PIP5K1B: variants seen among roughly 807,000 people sequenced by gnomAD.
The protein encoded by PIP5K1B is phosphatidylinositol 4-phosphate 5-kinase type-1 beta.
In PIP5K1B, 42 loss-of-function variants were observed where a neutral mutation model predicts 67.0. The observed-to-expected ratio is 0.63, with a 90% CI of 0.49 to 0.81. The LOEUF (loss-of-function observed/expected upper bound fraction) is 0.81, where lower values mean the gene tolerates loss of function less well. Ranked by LOEUF, PIP5K1B falls within the 30% of genes least tolerant of loss-of-function variation. The pLI is 0.00. For missense variants in PIP5K1B, 459 were observed against 646.3 expected (o/e 0.71, Z 3.14); for synonymous variants, 214 against 231.4 (o/e 0.92, Z 0.68).
At chr9:68,790,879 A>C (rs1180729856) in intron 2 of PIP5K1B, among the ~76,000 whole-genome samples, 1 of 152,230 alleles carries the variant, frequency 6.6e-6, no homozygotes, top group African/African-American at 2.4e-5. Flanking sequence ...ACTTGTACCT[A>C]GGACCTCTTT....
chr9:68,921,999 CAA>C (rs1826429877), intron 11 of PIP5K1B, among the ~76,000 whole-genome samples: 2 of 152,016 alleles, frequency 1.3e-5, no homozygotes, highest in Non-Finnish European at 2.9e-5. Context: ...TTATTCATGC[CAA>C]AGCGAACAAC....
intron 15 of PIP5K1B, among the ~76,000 whole-genome samples, chr9:69,003,262 A>G (rs1471668049): frequency 2.0e-5 from 3 of 152,098 alleles, no homozygotes; most frequent in Non-Finnish European, 4.4e-5. Flanking sequence ...GAGAATTCAG[A>G]ATTGATGACA....
At position 68,925,795 on chromosome 9, in the gene PIP5K1B, A is replaced by ATTTTTTTTTTTTTTTT. The variant is rs71353094; in HGVS notation, c.1201+2414_1201+2429dup. Reference sequence around the variant, plus strand: ...ACATGAATACCAGCTTGTGGTTCCAATTTTTTTTTTTTTTTTTTTTGAGAC... The same window carrying ATTTTTTTTTTTTTTTT: ...ACATGAATACCAGCTTGTGGTTCCAATTTTTTTTTTTTTTTTTTTTTTTTTTTTTTTTTTTTGAGAC... On this transcript the variant is annotated intron_variant, in intron 12 of 15. Coordinates refer to ENST00000265382, the MANE Select transcript of PIP5K1B (RefSeq NM_003558.4). Among the ~76,000 whole-genome samples the ATTTTTTTTTTTTTTTT allele has an allele frequency of 1.9e-3, 138 of 73,268 alleles. 26 individuals are homozygous for ATTTTTTTTTTTTTTTT. The highest frequency in any genetic ancestry group is 6.3e-3 in the African/African-American group (110 of 17,546). 48.1% of individuals were successfully genotyped at this position (73,268 alleles called of 152,430 possible).
chr9:68,765,550 T>G (rs1313805909), intron 2 of PIP5K1B, among the ~76,000 whole-genome samples: 2 of 152,064 alleles, frequency 1.3e-5, no homozygotes, highest in Non-Finnish European at 2.9e-5. Context: ...TTTTTTTCTT[T>G]TAACATAAAT....
chr9:68,900,273 C>A (rs775493704), intron 8 of PIP5K1B, among the ~76,000 whole-genome samples: 1 of 152,124 alleles, frequency 6.6e-6, no homozygotes, highest in Non-Finnish European at 1.5e-5. Context: ...GTCTCTCCAG[C>A]GAGACTTTAA....
intron 7 of PIP5K1B, among the ~76,000 whole-genome samples, chr9:68,889,866 G>A (rs373419341): frequency 6.6e-5 from 10 of 152,202 alleles, no homozygotes; most frequent in Non-Finnish European, 8.8e-5. Flanking sequence ...CAGCCAGTAC[G>A]CAGTAATAGT....
intron 14 of PIP5K1B, among the ~76,000 whole-genome samples, chr9:68,970,775 G>A (rs1188335848): frequency 1.3e-5 from 2 of 152,184 alleles, no homozygotes; most frequent in African/African-American, 4.8e-5. Context: ...ACCAGGATCT[G>A]TGGCTGCCTA....
intron 2 of PIP5K1B, among the ~76,000 whole-genome samples, chr9:68,773,677 C>G (rs1366982773): frequency 2.0e-5 from 3 of 152,152 alleles, no homozygotes; most frequent in Non-Finnish European, 2.9e-5. Flanking sequence ...TGGTGTGATG[C>G]CTTTTCACTT....
At chr9:68,909,347 C>T (rs142097302) in intron 8 of PIP5K1B, among the ~76,000 whole-genome samples, 8 of 150,656 alleles carry the variant, frequency 5.3e-5, no homozygotes, top group South Asian at 2.1e-4. Flanking sequence ...ACATCCAAGA[C>T]ATCACATCAT....
intron 2 of PIP5K1B, among the ~76,000 whole-genome samples, chr9:68,748,793 G>C (rs1260525108): frequency 6.6e-6 from 1 of 151,892 alleles, no homozygotes; most frequent in African/African-American, 2.4e-5. Context: ...GCTATTTTTA[G>C]TAGAGACGGG....
chr9:68,723,695 G>GTTTTTTTTTTTTTTTTT (rs36021674), intron 1 of PIP5K1B, among the ~76,000 whole-genome samples: 10 of 50,128 alleles, frequency 2.0e-4, no homozygotes, highest in Admixed American at 4.4e-4. Flanking sequence ...GAAGTATTTG[G>GTTTTTTTTTTTTTTTTT]TTTTTTTTTT....
rs149550601 is a variant in PIP5K1B, at chr9:68,896,074, G to A, written c.771+1436G>A. Among the ~76,000 whole-genome samples the A allele has an allele frequency of 4.6e-5, 7 of 152,222 alleles. No individual in the cohort carries two copies. In the East Asian group the frequency reaches 5.8e-4, roughly 13 times the overall value. ...CCAAGCAAACAGACGAACAAAAAAC[G>A]TCCAGCAGATATTCAGATATCTGAG... is the stretch of plus-strand genomic sequence containing the variant. On this transcript the variant is annotated intron_variant, in intron 8 of 15. Coordinates refer to ENST00000265382, the MANE Select transcript of PIP5K1B (RefSeq NM_003558.4).
At chr9:68,894,734 A>C (rs1383555381) in intron 8 of PIP5K1B, 96 bp downstream of exon 8, 13 of 1,172,420 alleles carry the variant, frequency 1.1e-5, no homozygotes, top group Non-Finnish European at 4.9e-6. Context: ...GGAATGTCCA[A>C]AGTGGCAGAC....
chr9:68,899,933 A>G (rs34483859), intron 8 of PIP5K1B, among the ~76,000 whole-genome samples: 32,474 of 152,040 alleles, frequency 0.21, 3,835 homozygotes, highest in Admixed American at 0.3. Flanking sequence ...TCCACCCTCA[A>G]GTAGGCCCTT....
At chr9:68,994,907 G>A (rs952608410) in intron 15 of PIP5K1B, among the ~76,000 whole-genome samples, 22 of 152,122 alleles carry the variant, frequency 1.4e-4, no homozygotes, top group Admixed American at 1.0e-3. Flanking sequence ...TTTCCAAGGT[G>A]GGAAGATTGC....
At chr9:68,991,952 T>C (rs1830387036) in intron 15 of PIP5K1B, among the ~76,000 whole-genome samples, 1 of 151,290 alleles carries the variant, frequency 6.6e-6, no homozygotes, top group African/African-American at 2.4e-5. Context: ...CGTCTTTGTA[T>C]GCCTGCACAA....
intron 2 of PIP5K1B, chr9:68,788,644 C>G: frequency 4.3e-6 from 1 of 235,152 alleles, no homozygotes; most frequent in Non-Finnish European, 8.4e-6. Flanking sequence ...TTTCCCACAT[C>G]CCAAAATAGC....
chr9:68,956,302 C>G (rs1828387973), intron 14 of PIP5K1B, among the ~76,000 whole-genome samples: 1 of 152,086 alleles, frequency 6.6e-6, no homozygotes, highest in Non-Finnish European at 1.5e-5. Context: ...AAAACCCCAT[C>G]TCTAGAAAAA....
chr9:68,994,025 GT>G (rs1391099008), intron 15 of PIP5K1B, among the ~76,000 whole-genome samples: 1 of 139,152 alleles, frequency 7.2e-6, no homozygotes, highest in Admixed American at 7.5e-5. Context: ...TTCTTTCACT[GT>G]TTTTTCCTGA....
Sources: gnomAD v4.1 joint callset for allele counts (sites outside exome capture counted in the v4.1 genomes callset) on GRCh38, gnomAD v4.1.1 for gene constraint, MANE v1.5 for transcripts, NCBI Gene and HGNC (gene_info 2026-07-23, HGNC 2026-07-21) for gene names.